Variants in ZMYND11 observed in about 807,000 individuals in gnomAD.
ZMYND11 encodes zinc finger MYND-type containing 11.
A neutral mutation model predicts 84.9 loss-of-function variants in ZMYND11; 9 were observed. The ratio of observed to expected loss-of-function variants is 0.11; its 90% CI spans 0.06 to 0.18. The LOEUF (loss-of-function observed/expected upper bound fraction) is 0.18, where lower values mean the gene tolerates loss of function less well. ZMYND11 is among the 10% of genes least tolerant of loss of function. The probability of loss-of-function intolerance (pLI) is 1.00; values close to 1 mark genes in which losing one functional copy is unlikely to be tolerated. For synonymous variants in ZMYND11, 250 were observed against 244.1 expected, an observed-to-expected ratio of 1.02 and a Z score of -0.23; for missense variants, 409 against 761.0, an observed-to-expected ratio of 0.54 and a Z score of 5.44.
intron 4 of ZMYND11, among the ~76,000 whole-genome samples, chr10:229,370 T>A (rs996415613): frequency 6.6e-6 from 1 of 152,216 alleles, no homozygotes; most frequent in Non-Finnish European, 1.5e-5. Flanking sequence ...TTCCTACTTT[T>A]ACCTGTAATA....
intron 1 of ZMYND11, among the ~76,000 whole-genome samples, chr10:136,192 C>G (rs549138962): frequency 6.6e-5 from 10 of 152,282 alleles, no homozygotes; most frequent in South Asian, 2.1e-4. Flanking sequence ...CCGCCCTCCT[C>G]CCACCCAGAG....
intron 4 of ZMYND11, among the ~76,000 whole-genome samples, chr10:234,394 C>T (rs1006122256): frequency 1.3e-5 from 2 of 152,196 alleles, no homozygotes; most frequent in African/African-American, 2.4e-5. Flanking sequence ...GGAAGGGATT[C>T]CTGCCTTGTT....
At chr10:182,716 T>C (rs1848133444) in intron 2 of ZMYND11, among the ~76,000 whole-genome samples, 1 of 152,250 alleles carries the variant, frequency 6.6e-6, no homozygotes, top group South Asian at 2.1e-4. Context: ...GAAAATTGCC[T>C]AACCCGGCCA....
chr10:194,761 A>G (rs1271716008), intron 2 of ZMYND11, among the ~76,000 whole-genome samples: 2 of 152,204 alleles, frequency 1.3e-5, no homozygotes, highest in Admixed American at 6.5e-5. Context: ...AGTTTATTTC[A>G]GTATTACTGA....
intron 1 of ZMYND11, among the ~76,000 whole-genome samples, chr10:151,197 C>T (rs1554756919): frequency 6.6e-6 from 1 of 152,168 alleles, no homozygotes; most frequent in Non-Finnish European, 1.5e-5. Context: ...TCACCAGCGA[C>T]AGAACAAAGC....
intron 2 of ZMYND11, among the ~76,000 whole-genome samples, chr10:205,974 T>C (rs1393951955): frequency 6.6e-6 from 1 of 152,056 alleles, no homozygotes; most frequent in Non-Finnish European, 1.5e-5. Flanking sequence ...AAAGGTGTTT[T>C]TTTGGTGTCA....
intron 1 of ZMYND11, among the ~76,000 whole-genome samples, chr10:163,656 T>G (rs1554762812): frequency 6.6e-6 from 1 of 152,150 alleles, no homozygotes. Flanking sequence ...GCATTTTCTG[T>G]TTTTAATTCC....
chr10:141,533 C>T (rs1837501065), intron 1 of ZMYND11, among the ~76,000 whole-genome samples: 1 of 152,166 alleles, frequency 6.6e-6, no homozygotes, highest in African/African-American at 2.4e-5. Flanking sequence ...AGATTACTTG[C>T]AAAGTCTTAG....
At chr10:131,151 A>T (rs1364971837), upstream of ZMYND11, among the ~76,000 whole-genome samples, 12 of 152,276 alleles carry the variant, frequency 7.9e-5, no homozygotes, top group African/African-American at 2.9e-4. Flanking sequence ...GACAGGGAAA[A>T]GGTTAGAATC....
At chr10:248,826 G>A (rs1952749081) in intron 13 of ZMYND11, 77 bp from the exon 14 acceptor site, 1 of 1,513,384 alleles carries the variant, frequency 6.6e-7, no homozygotes, top group Non-Finnish European at 8.9e-7. Context: ...TGCAAGTTGT[G>A]TTAAGTTTCT....
chr10:226,693 G>A (rs78625408), intron 4 of ZMYND11, among the ~76,000 whole-genome samples: 2,998 of 152,194 alleles, frequency 0.02, 91 homozygotes, highest in African/African-American at 0.068. Context: ...TGAGCTACCC[G>A]TTTTCTTTTC....
At chr10:240,000 T>C (rs1053343524) in intron 7 of ZMYND11, 56 bp from the exon 8 acceptor site, 2 of 1,454,862 alleles carry the variant, frequency 1.4e-6, no homozygotes. Context: ...GATAGTAACT[T>C]TGAGTCTTGT....
intron 1 of ZMYND11, among the ~76,000 whole-genome samples, chr10:173,533 T>C (rs1554766200): frequency 6.6e-6 from 1 of 152,026 alleles, no homozygotes; most frequent in Non-Finnish European, 1.5e-5. Context: ...CTGGGTAACA[T>C]AGCATAATCC....
intron 1 of ZMYND11, among the ~76,000 whole-genome samples, chr10:165,969 G>T (rs1458539645): frequency 6.6e-6 from 1 of 152,116 alleles, no homozygotes; most frequent in East Asian, 1.9e-4. Flanking sequence ...TATGGCTGTT[G>T]ATTTTTGACA....
chr10:212,202 A>G (rs543934562), intron 3 of ZMYND11, among the ~76,000 whole-genome samples: 2 of 152,226 alleles, frequency 1.3e-5, no homozygotes, highest in South Asian at 2.1e-4. Context: ...GTTTAATTCA[A>G]TAAGTCGTTA....
intron 1 of ZMYND11, among the ~76,000 whole-genome samples, chr10:170,966 T>C (rs1845178327): frequency 6.6e-6 from 1 of 152,038 alleles, no homozygotes; most frequent in African/African-American, 2.4e-5. Context: ...AATATACAGA[T>C]TGAAGAGATA....
chr10:209,363 A>G (rs1263950041), intron 2 of ZMYND11, among the ~76,000 whole-genome samples: 1 of 152,120 alleles, frequency 6.6e-6, no homozygotes, highest in Non-Finnish European at 1.5e-5. Flanking sequence ...TGCCTGACTG[A>G]TCACAACATG....
chr10:179,476 A>C (rs981082737), intron 1 of ZMYND11, among the ~76,000 whole-genome samples: 11 of 152,184 alleles, frequency 7.2e-5, no homozygotes, highest in African/African-American at 2.7e-4. Context: ...TTCACATCTC[A>C]TTCCAGGAGT....
chr10:139,704 CTT>C (rs67915368), intron 1 of ZMYND11, among the ~76,000 whole-genome samples: 21 of 80,262 alleles, frequency 2.6e-4, no homozygotes, highest in African/African-American at 5.4e-4. Context: ...ACACATGGTC[CTT>C]TTTTTTTTTT....
Sources: gnomAD v4.1 joint callset for allele counts (sites outside exome capture counted in the v4.1 genomes callset) on GRCh38, gnomAD v4.1.1 for gene constraint, MANE v1.5 for transcripts, NCBI Gene and HGNC (gene_info 2026-07-23, HGNC 2026-07-21) for gene names.